The following SLC4A4 variants were observed in gnomAD, a reference collection of about 807,000 sequenced individuals.
The protein encoded by SLC4A4 is solute carrier family 4 member 4.
In SLC4A4, 27 loss-of-function variants were observed where a neutral mutation model predicts 111.5. That is an observed-to-expected ratio of 0.24 (90% CI 0.18 to 0.33). The LOEUF (loss-of-function observed/expected upper bound fraction) is 0.33. Among genes scored for constraint, SLC4A4 ranks in the 10% least tolerant of loss-of-function variants. The pLI is 1.00. For missense variants in SLC4A4, 909 were observed against 1,315.5 expected, an observed-to-expected ratio of 0.69 and a Z score of 4.78; for synonymous variants, 443 against 463.4, an observed-to-expected ratio of 0.96 and a Z score of 0.57.
intron 1 of SLC4A4, among the ~76,000 whole-genome samples, chr4:71,234,274 T>A (rs1239635980): frequency 1.3e-5 from 2 of 152,248 alleles, no homozygotes; most frequent in African/African-American, 4.8e-5. Context: ...ACTTTGTTTC[T>A]CTGATTCACA....
At chr4:71,515,366 T>G (rs867687161) in intron 16 of SLC4A4, among the ~76,000 whole-genome samples, 1 of 152,198 alleles carries the variant, frequency 6.6e-6, no homozygotes, top group Non-Finnish European at 1.5e-5. Context: ...TTTGTGAAAA[T>G]TTTTAGAAAT....
chr4:71,086,634 A>T (rs572368530), intron 1 of SLC4A4, among the ~76,000 whole-genome samples: 1 of 152,140 alleles, frequency 6.6e-6, no homozygotes, highest in South Asian at 2.1e-4. Flanking sequence ...AATTTTGTCA[A>T]AGGCATTTTC....
chr4:71,485,076 G>T (rs536800391), intron 14 of SLC4A4, among the ~76,000 whole-genome samples: 1 of 151,888 alleles, frequency 6.6e-6, no homozygotes, highest in African/African-American at 2.4e-5. Context: ...GGATCATGTT[G>T]TCTGCAAACA....
chr4:71,157,381 T>C (rs962410340), intron 2 of SLC4A4, among the ~76,000 whole-genome samples: 2 of 152,162 alleles, frequency 1.3e-5, no homozygotes, highest in Non-Finnish European at 2.9e-5. Flanking sequence ...GTGCTTGTAA[T>C]AAGATCAAAC....
intron 3 of SLC4A4, among the ~76,000 whole-genome samples, chr4:71,304,484 C>T (rs1276990742): frequency 1.3e-5 from 2 of 152,224 alleles, no homozygotes; most frequent in African/African-American, 4.8e-5. Flanking sequence ...TGGATGATGT[C>T]CAAGCACATT....
intron 2 of SLC4A4, among the ~76,000 whole-genome samples, chr4:71,156,588 G>GCTCGCACACACACACACACACACA (rs376043069): frequency 5.1e-5 from 7 of 138,512 alleles, no homozygotes; most frequent in African/African-American, 1.9e-4. Flanking sequence ...GCGCGCGCGC[G>GCTCGCACACACACACACACACACA]CACACACACA....
chr4:71,547,728 T>C lies in SLC4A4; in HGVS notation c.2694+8T>C. The C allele has an allele frequency of 1.2e-6, 2 of 1,603,466 alleles. No individual in the cohort carries two copies. The highest frequency in any genetic ancestry group is 1.7e-6 in the Non-Finnish European group (2 of 1,170,928). On this transcript the variant is annotated splice_region_variant and intron_variant, in intron 20 of 25. Transcript: ENST00000264485. ...ATGGCTCCCATCTTGAAGGTAAATATGTGAAACATTCACCTCTTCCTTCTC... is the reference window on the plus strand; with the variant it reads ...ATGGCTCCCATCTTGAAGGTAAATACGTGAAACATTCACCTCTTCCTTCTC...
intron 12 of SLC4A4, among the ~76,000 whole-genome samples, chr4:71,455,859 T>G (rs1039623768): frequency 6.6e-6 from 1 of 152,202 alleles, no homozygotes; most frequent in Non-Finnish European, 1.5e-5. Context: ...CCCTCCTAGA[T>G]GGATGAACTT....
intron 13 of SLC4A4, among the ~76,000 whole-genome samples, chr4:71,470,867 T>C (rs932852276): frequency 6.6e-6 from 1 of 151,972 alleles, no homozygotes; most frequent in African/African-American, 2.4e-5. Context: ...GGAAGGTCAA[T>C]CTTTTTTGTT....
chr4:71,265,362 T>C (rs1017801860), intron 3 of SLC4A4, among the ~76,000 whole-genome samples: 7 of 152,164 alleles, frequency 4.6e-5, no homozygotes, highest in Non-Finnish European at 7.4e-5. Context: ...GGAGACTATA[T>C]TTATTTTTAA....
intron 2 of SLC4A4, among the ~76,000 whole-genome samples, chr4:71,153,541 C>A (rs1279719701): frequency 6.6e-6 from 1 of 152,172 alleles, no homozygotes; most frequent in Admixed American, 6.5e-5. Flanking sequence ...TTGAGCTTCA[C>A]TTCCTTCATC....
rs529595124 is a variant in SLC4A4 at position 71,109,429 on chromosome 4, A to T, written c.-2+16637A>T. ...GGCTTGCAACAATGGAGGGAGGTAA[A>T]CAATAATGGCCACTGCCTCCCTGTT... is the stretch of plus-strand genomic sequence containing the variant. On this transcript the variant is annotated intron_variant, in intron 2 of 26. Transcript: ENST00000649996. 5.9e-5 allele frequency among the ~76,000 whole-genome samples: 9 copies of T among 152,306 alleles called. No individual in the cohort carries two copies. The South Asian group carries it at 1.5e-3, about 25-fold the overall frequency.
At chr4:71,087,420 T>A (rs1433056177) in intron 1 of SLC4A4, among the ~76,000 whole-genome samples, 2 of 152,090 alleles carry the variant, frequency 1.3e-5, no homozygotes, top group East Asian at 3.8e-4. Context: ...TCTGCTCTGA[T>A]CTTAGTTATT....
At chr4:71,452,823 C>T (rs562717718) in intron 11 of SLC4A4, among the ~76,000 whole-genome samples, 108 of 152,302 alleles carry the variant, frequency 7.1e-4, no homozygotes, top group Non-Finnish European at 1.3e-3. Flanking sequence ...TTCTTGGAGA[C>T]CTTTTCTGGC....
At chr4:71,132,354 A>G (rs1743729699) in intron 2 of SLC4A4, among the ~76,000 whole-genome samples, 1 of 152,174 alleles carries the variant, frequency 6.6e-6, no homozygotes, top group South Asian at 2.1e-4. Flanking sequence ...CAGCTCAAAG[A>G]AAGCTGCAAA....
In SLC4A4 at chr4:71,375,760, G is replaced by T. The variant is rs116127325; in HGVS notation, c.730+18573G>T. Among the ~76,000 whole-genome samples, 354 of 152,194 alleles carry T rather than the reference G, an allele frequency of 2.3e-3. 1 individual carries two copies. The highest frequency in any genetic ancestry group is 8.2e-3 in the African/African-American group (339 of 41,508). ...AAAATCCAGCTTGCCACCTGGTTTTGTAAATAAAGTTTTGTTGGAATAAAG... is the reference window on the plus strand; with the variant it reads ...AAAATCCAGCTTGCCACCTGGTTTTTTAAATAAAGTTTTGTTGGAATAAAG... On this transcript the variant is annotated intron_variant, in intron 6 of 25. Transcript: ENST00000264485.
chr4:71,255,511 GT>G, intron 3 of SLC4A4, 112 bp downstream of exon 3: 1 of 1,093,656 alleles, frequency 9.1e-7, no homozygotes, highest in Non-Finnish European at 1.4e-6. Context: ...ATACTGAGAT[GT>G]TTAGAATCTG....
chr4:71,172,646 G>A (rs536129749), intron 2 of SLC4A4, among the ~76,000 whole-genome samples: 2 of 152,228 alleles, frequency 1.3e-5, no homozygotes, highest in South Asian at 4.1e-4. Context: ...AGATATGTTG[G>A]CCTTTGCCAC....
intron 3 of SLC4A4, among the ~76,000 whole-genome samples, chr4:71,298,310 G>T (rs148478150): frequency 3.0e-4 from 45 of 152,278 alleles, no homozygotes; most frequent in African/African-American, 9.4e-4. Context: ...ACAATCACGG[G>T]TGTGCTAATT....
Sources: allele counts gnomAD v4.1 joint callset (sites outside exome capture counted in the v4.1 genomes callset), GRCh38; gene constraint gnomAD v4.1.1; transcripts MANE v1.5; gene names NCBI Gene and HGNC (gene_info 2026-07-23, HGNC 2026-07-21).